The following PIK3R6 variants were observed in gnomAD, a reference collection of about 807,000 sequenced individuals.
PIK3R6 encodes phosphoinositide-3-kinase regulatory subunit 6, also known as phosphoinositide 3-kinase regulatory subunit 6.
Under a neutral mutation model 84.9 loss-of-function variants are expected in PIK3R6, and 91 were observed. The observed-to-expected ratio is 1.07, with a 90% CI of 0.90 to 1.28. The LOEUF is 1.28. PIK3R6 is among the 50% of genes most tolerant of loss of function. The probability of loss-of-function intolerance (pLI) is 0.00; values close to 1 mark genes in which losing one functional copy is unlikely to be tolerated. For missense variants in PIK3R6, 996 were observed against 985.1 expected (o/e 1.01, Z -0.15); for synonymous variants, 416 against 411.4 (o/e 1.01, Z -0.13).
intron 13 of PIK3R6, among the ~76,000 whole-genome samples, chr17:8,826,269 A>ACAT (rs1438150174): frequency 2.0e-5 from 3 of 152,230 alleles, no homozygotes; most frequent in Non-Finnish European, 4.4e-5. Flanking sequence ...TGCTCAGGAA[A>ACAT]CATCAGCTGT....
At chr17:8,824,883 A>T (rs2087867880) in intron 13 of PIK3R6, among the ~76,000 whole-genome samples, 1 of 152,244 alleles carries the variant, frequency 6.6e-6, no homozygotes, top group Admixed American at 6.5e-5. Context: ...ATGTAAGAAG[A>T]CACCCTCATC....
At chr17:8,838,022 T>C (rs1422517094) in intron 4 of PIK3R6, among the ~76,000 whole-genome samples, 151 bp from the exon 5 acceptor site, 1 of 145,964 alleles carries the variant, frequency 6.9e-6, no homozygotes, top group Non-Finnish European at 1.5e-5. Flanking sequence ...GATAGAGGAG[T>C]GGGGAGGGGA....
chr17:8,825,317 C>T (rs1405076511), intron 13 of PIK3R6, among the ~76,000 whole-genome samples: 1 of 152,102 alleles, frequency 6.6e-6, no homozygotes, highest in African/African-American at 2.4e-5. Flanking sequence ...AAAAACAAAA[C>T]TTGAAATTCT....
intron 1 of PIK3R6, among the ~76,000 whole-genome samples, chr17:8,865,608 G>GTT (rs776977752): frequency 9.1e-5 from 13 of 143,226 alleles, no homozygotes; most frequent in African/African-American, 2.8e-4. Flanking sequence ...TCATAGCTGT[G>GTT]TTTTTTTTTT....
chr17:8,861,341 C>T (rs796657895), intron 1 of PIK3R6, among the ~76,000 whole-genome samples: 6 of 152,284 alleles, frequency 3.9e-5, no homozygotes, highest in African/African-American at 1.4e-4. Context: ...AGAAGTCTTT[C>T]AACAAACACA....
chr17:8,834,504 G>A (rs934027255), intron 8 of PIK3R6, among the ~76,000 whole-genome samples: 1 of 151,558 alleles, frequency 6.6e-6, no homozygotes, highest in Admixed American at 6.6e-5. Context: ...TGATCCTCTT[G>A]TCTTCCGAGT....
intron 13 of PIK3R6, among the ~76,000 whole-genome samples, chr17:8,826,583 C>T (rs929396117): frequency 2.6e-5 from 4 of 152,072 alleles, no homozygotes; most frequent in Non-Finnish European, 5.9e-5. Flanking sequence ...ACAATGAGAA[C>T]ACATGGACAC....
intron 18 of PIK3R6, among the ~76,000 whole-genome samples, chr17:8,808,000 A>C (rs367874799): frequency 2.6e-5 from 4 of 152,288 alleles, no homozygotes; most frequent in African/African-American, 9.6e-5. Flanking sequence ...CCAGGCAAAC[A>C]GGGACAGTTG....
intron 2 of PIK3R6, among the ~76,000 whole-genome samples, chr17:8,840,463 A>C (rs886224009): frequency 1.4e-5 from 2 of 146,964 alleles, no homozygotes; most frequent in African/African-American, 5.0e-5. Context: ...TATATATGAA[A>C]TATATATAGC....
At chr17:8,820,060 C>T (rs929937221) in intron 17 of PIK3R6, among the ~76,000 whole-genome samples, 1 of 150,888 alleles carries the variant, frequency 6.6e-6, no homozygotes, top group Non-Finnish European at 1.5e-5. Flanking sequence ...AATTCTCCTG[C>T]CTCAGCCTCC....
intron 18 of PIK3R6, among the ~76,000 whole-genome samples, chr17:8,810,770 G>A (rs1002482403): frequency 2.0e-5 from 3 of 148,814 alleles, no homozygotes; most frequent in Non-Finnish European, 2.9e-5. Flanking sequence ...GTGAGAGGTG[G>A]GTTCCCATGG....
chr17:8,827,128 C>T, intron 13 of PIK3R6, 44 bp downstream of exon 13: 1 of 1,601,730 alleles, frequency 6.2e-7, no homozygotes, highest in African/African-American at 1.3e-5. Context: ...CCAGACCCCA[C>T]TCCCGTCCCT....
chr17:8,846,742 G>A (rs1174531225), intron 2 of PIK3R6, among the ~76,000 whole-genome samples: 1 of 152,020 alleles, frequency 6.6e-6, no homozygotes, highest in Non-Finnish European at 1.5e-5. Flanking sequence ...TCTTCCATAG[G>A]TATGGTAAGG....
intron 1 of PIK3R6, 85 bp downstream of exon 1, chr17:8,867,444 C>A (rs1186577612): frequency 4.9e-6 from 1 of 202,998 alleles, no homozygotes; most frequent in Non-Finnish European, 1.1e-5. Context: ...CCAGGGGCTC[C>A]CCTTCCAGGT....
rs781728694 is a variant in PIK3R6 at position 8,829,023 on chromosome 17, G to A, written c.890-33C>T. ...GGGGGAACAAGGGCGGTGAGGACAC[G>A]TGAGGCTGGCAGGGCTACGTTTCTG... is the stretch of plus-strand genomic sequence containing the variant. On this transcript the variant is annotated intron_variant, in intron 10 of 19. Transcript: ENST00000619866. The A allele has an allele frequency of 9.4e-6, 14 of 1,486,756 alleles. No homozygotes were observed. In the East Asian group the frequency reaches 1.5e-4, roughly 15 times the overall value. The allele number at this position is 1,486,756 out of a possible 1,614,324, so 92.1% of individuals were successfully genotyped here.
At position 8,803,449 on chromosome 17, in the gene PIK3R6, A is replaced by T; in HGVS notation, c.2109-20T>A. The stretch of plus-strand genomic sequence containing the variant: ...TCGAATCTGTGGGTGGAGAGAGACC[A>T]GCTCAGGTGACCCATCTGAGGGATC... On this transcript the variant is annotated intron_variant, in intron 19 of 19. Coordinates refer to ENST00000619866, the MANE Select transcript of PIK3R6 (RefSeq NM_001010855.4). The surrounding 1 kb of genome is among the most constrained non-coding windows in gnomAD (Gnocchi z 5.0). 1 of 1,578,980 alleles carries T rather than the reference A, an allele frequency of 6.3e-7. No homozygotes were observed. The highest frequency in any genetic ancestry group is 1.4e-5 in the African/African-American group (1 of 73,882).
intron 18 of PIK3R6, among the ~76,000 whole-genome samples, chr17:8,810,459 CCT>C (rs1267232343): frequency 4.7e-5 from 7 of 148,316 alleles, no homozygotes; most frequent in African/African-American, 1.3e-4. Context: ...CCAACAGTCC[CCT>C]GTCTTAACTC....
chr17:8,825,835 C>T (rs797018875), intron 13 of PIK3R6, among the ~76,000 whole-genome samples: 23 of 152,170 alleles, frequency 1.5e-4, no homozygotes, highest in African/African-American at 4.1e-4. Context: ...TGACTACACC[C>T]AAGTATTAAA....
chr17:8,832,932 C>T lies in PIK3R6; in HGVS notation c.759G>A (p.Glu253=), dbSNP rs376430659. The T allele has an allele frequency of 4.6e-4, 736 of 1,612,840 alleles. No homozygotes were observed. The highest frequency in any genetic ancestry group is 8.2e-4 in the Middle Eastern group (5 of 6,062). ...SREGHVERLE[E]IYCSLLGPAA... is the part of the protein sequence containing the mutation. Reference sequence around the variant, plus strand: ...CGGGACCCAGCAGCGAGCAGTAAATCTCCTCCAGCCTCTCTACGTGTCCCT... The same window carrying T: ...CGGGACCCAGCAGCGAGCAGTAAATTTCCTCCAGCCTCTCTACGTGTCCCT... Residue 253 remains glutamate (E), a synonymous_variant, in exon 9 of 20, where the codon GAG becomes GAA. Coordinates refer to ENST00000619866, the MANE Select transcript of PIK3R6 (RefSeq NM_001010855.4).
Sources: gnomAD v4.1 joint callset for allele counts (sites outside exome capture counted in the v4.1 genomes callset) on GRCh38, gnomAD v4.1.1 for gene constraint, Gnocchi (gnomAD v3.1) non-coding constraint, MANE v1.5 for transcripts, NCBI Gene and HGNC (gene_info 2026-07-23, HGNC 2026-07-21) for gene names.